Variants in AKAP1 observed in about 807,000 individuals in gnomAD.
AKAP1 encodes the protein A-kinase anchoring protein 1, also known as A-kinase anchor protein 1, mitochondrial.
In AKAP1, 32 loss-of-function variants were observed where a neutral mutation model predicts 79.8. The ratio of observed to expected loss-of-function variants is 0.40; its 90% confidence interval spans 0.30 to 0.54. The LOEUF (loss-of-function observed/expected upper bound fraction) is 0.54. Ranked by LOEUF, AKAP1 falls within the 20% of genes least tolerant of loss-of-function variation. The pLI, the probability that AKAP1 is intolerant of heterozygous loss-of-function variation, is 0.47. For synonymous variants in AKAP1, 416 were observed against 466.7 expected (o/e 0.89, Z 1.40); for missense variants, 961 against 1,138.9 (o/e 0.84, Z 2.25).
chr17:57,102,723 C>G (rs1914601827), intron 1 of AKAP1, among the ~76,000 whole-genome samples: 1 of 152,114 alleles, frequency 6.6e-6, no homozygotes, highest in Non-Finnish European at 1.5e-5. Flanking sequence ...CCACCCGCCT[C>G]AGCCTCTGAA....
At chr17:57,110,206 C>T in intron 3 of AKAP1, 48 bp downstream of exon 3, 1 of 1,606,276 alleles carries the variant, frequency 6.2e-7, no homozygotes, top group Non-Finnish European at 8.5e-7. Flanking sequence ...CCCAAAGCTC[C>T]CTGGGGCCAG....
chr17:57,118,335 T>C (rs956067203), intron 8 of AKAP1, 46 bp from the exon 9 acceptor site: 6 of 1,583,014 alleles, frequency 3.8e-6, no homozygotes, highest in Non-Finnish European at 5.2e-6. Flanking sequence ...AAGGGTGCCT[T>C]GCCTCAGTGA....
In AKAP1 at chr17:57,114,439, C is replaced by T. The variant is rs1343600631; in HGVS notation, c.2104-20C>T. The T allele has an allele frequency of 2.3e-5, 37 of 1,611,208 alleles. No homozygotes were observed. The highest frequency in any genetic ancestry group is 3.1e-5 in the Non-Finnish European group (37 of 1,178,450). ...ATAAGAAGGATTGTTTCAGTGACCG[C>T]TCCCCCTTCCCCTCTACAGCTCATG... On this transcript the variant is annotated intron_variant, in intron 5 of 10. Coordinates refer to ENST00000337714, the MANE Select transcript of AKAP1 (RefSeq NM_003488.4).
intron 5 of AKAP1, 135 bp downstream of exon 5, chr17:57,112,753 G>C: frequency 7.7e-7 from 1 of 1,306,512 alleles, no homozygotes; most frequent in Non-Finnish European, 1.0e-6. Flanking sequence ...TCTGGCCTCT[G>C]CTGGTCGGTT....
At chr17:57,097,514 C>T (rs1364256377) in intron 1 of AKAP1, among the ~76,000 whole-genome samples, 2 of 152,236 alleles carry the variant, frequency 1.3e-5, no homozygotes, top group African/African-American at 4.8e-5. Flanking sequence ...TTTTCCTCGA[C>T]CAAACTCCCA....
intron 2 of AKAP1, among the ~76,000 whole-genome samples, chr17:57,108,299 C>T (rs1915023322): frequency 6.6e-6 from 1 of 152,052 alleles, no homozygotes; most frequent in Non-Finnish European, 1.5e-5. Context: ...TTTTATGTAC[C>T]TTGGAAAGAA....
chr17:57,095,748 T>G (rs756043434), intron 1 of AKAP1: 7 of 152,192 alleles, frequency 4.6e-5, no homozygotes, highest in Non-Finnish European at 7.3e-5. Flanking sequence ...ACATCTTTTC[T>G]GATGTCTTTA....
At chr17:57,102,475 CTT>C (rs200892328) in intron 1 of AKAP1, among the ~76,000 whole-genome samples, 17 of 141,136 alleles carry the variant, frequency 1.2e-4, no homozygotes, top group Non-Finnish European at 9.3e-5. Context: ...ATGCCTTGAG[CTT>C]TTTTTTTTTT....
Position 57,105,931 on chromosome 17 carries a change from T to C in AKAP1, c.467T>C (p.Leu156Pro), listed in dbSNP as rs1472550814. ...CCCCTTTCATCCCCAAAGGGTGTACTATTCTCCAGCAAATCAGCTGAGGTG... is the reference window on the plus strand; with the variant it reads ...CCCCTTTCATCCCCAAAGGGTGTACCATTCTCCAGCAAATCAGCTGAGGTG... ...ECPLSSPKGV[L>P]FSSKSAEVCK... The change falls in exon 2 of 11, where the codon CTA (leucine) becomes CCA (proline). Residue 156 changes from leucine (L) to proline (P), a missense_variant. Transcript: ENST00000337714. 6.2e-7 allele frequency: 1 copy of C among 1,614,212 alleles called. No homozygotes were observed. Among genetic ancestry groups the C allele is most frequent in the East Asian group, 2.2e-5 (1 of 44,882 alleles).
intron 1 of AKAP1, among the ~76,000 whole-genome samples, chr17:57,089,575 G>T (rs148485190): frequency 2.0e-5 from 3 of 152,162 alleles, no homozygotes; most frequent in African/African-American, 7.2e-5. Context: ...TTCCATAATC[G>T]AAGAAAGTTT....
Position 57,116,142 on chromosome 17 carries a change from C to A in AKAP1, c.2313C>A (p.Asp771Glu), listed in dbSNP as rs755180755. 2 of 1,613,716 alleles carry A rather than the reference C, an allele frequency of 1.2e-6. No homozygotes were observed. The highest frequency in any genetic ancestry group is 2.2e-5 in the East Asian group (1 of 44,890). The change falls in exon 7 of 11, where the codon GAC becomes GAA. Residue 771 changes from aspartate to glutamate, a missense_variant. Asp to Glu is a conservative substitution (Grantham distance 45). This residue lies in a region of AKAP1 where 629 missense variants were observed against 781.1 expected (regional missense o/e 0.81). Coordinates refer to ENST00000337714, the MANE Select transcript of AKAP1 (RefSeq NM_003488.4). ...TCATCTGTGCCGCCCCTGGTGCGGA[C>A]GGGGCCTGGTGGCGAGCCCAAGTGG... ...ITVICAAPGA[D>E]GAWWRAQVVA...
chr17:57,107,144 A>G lies in AKAP1; in HGVS notation c.1680A>G (p.Gly560=). 1.2e-6 allele frequency: 2 copies of G among 1,611,744 alleles called. No individual in the cohort carries two copies. Among genetic ancestry groups the G allele is most frequent in the Non-Finnish European group, 1.7e-6 (2 of 1,178,246 alleles). Reference sequence around the variant, plus strand: ...TGTCAGACTTGGGGGCTGAGGATGGATGGACCATGGATGCGGAAGCAGATC... The same window carrying G: ...TGTCAGACTTGGGGGCTGAGGATGGGTGGACCATGGATGCGGAAGCAGATC... ...GELSDLGAED[G]WTMDAEADHS... is the part of the protein sequence containing the mutation. Residue 560 remains glycine (G), a synonymous_variant, in exon 2 of 11, where the codon GGA becomes GGG. Coordinates refer to ENST00000337714, the MANE Select transcript of AKAP1 (RefSeq NM_003488.4).
At chr17:57,117,679 G>C (rs539964360) in intron 8 of AKAP1, among the ~76,000 whole-genome samples, 1 of 150,322 alleles carries the variant, frequency 6.7e-6, no homozygotes, top group African/African-American at 2.4e-5. Flanking sequence ...TTTTATTGCT[G>C]TTGCCCCTCC....
chr17:57,093,461 C>T (rs1422975945), intron 1 of AKAP1: 2 of 152,152 alleles, frequency 1.3e-5, no homozygotes, highest in East Asian at 3.9e-4. Flanking sequence ...AGGGATCTAA[C>T]CTGTCAATAA....
In AKAP1 at chr17:57,106,337, A is replaced by G; in HGVS notation, c.873A>G (p.Ala291=). Residue 291 remains alanine (A), a synonymous_variant, in exon 2 of 11, where the codon GCA becomes GCG. Coordinates refer to ENST00000337714, the MANE Select transcript of AKAP1 (RefSeq NM_003488.4). ...KDDAAPAPPV[A]DAKAQDRGVE... ...ATGCGGCGCCAGCACCCCCAGTCGCAGACGCCAAAGCCCAGGATAGAGGTG... is the reference window on the plus strand; with the variant it reads ...ATGCGGCGCCAGCACCCCCAGTCGCGGACGCCAAAGCCCAGGATAGAGGTG... The G allele has an allele frequency of 6.2e-7, 1 of 1,614,108 alleles. No individual in the cohort carries two copies. The highest frequency in any genetic ancestry group is 8.5e-7 in the Non-Finnish European group (1 of 1,180,010).
chr17:57,094,204 A>G (rs1913952090), intron 1 of AKAP1: 1 of 152,178 alleles, frequency 6.6e-6, no homozygotes, highest in South Asian at 2.1e-4. Context: ...GGTACTCGCA[A>G]CGGTTCCACG....
chr17:57,106,439 T>G lies in AKAP1; in HGVS notation c.975T>G (p.Asp325Glu), dbSNP rs745988006. The change falls in exon 2 of 11, where the codon GAT becomes GAG. Residue 325 changes from aspartate (D) to glutamate (E), a missense_variant. Asp to Glu is a conservative substitution (Grantham distance 45). Coordinates refer to ENST00000337714, the MANE Select transcript of AKAP1 (RefSeq NM_003488.4). ...TGGATAGAAATGAGGAGGGCTTGGA[T>G]AGAAATGAGGAGAGCTTGGATAGAA... ...EGLDRNEEGL[D>E]RNEESLDRNE... 6.8e-7 allele frequency: 1 copy of G among 1,477,476 alleles called. No homozygotes were observed. The highest frequency in any genetic ancestry group is 9.4e-7 in the Non-Finnish European group (1 of 1,063,610). The allele number at this position is 1,477,476 out of a possible 1,614,324, so 91.5% of individuals were successfully genotyped here. A position where few individuals can be genotyped will look rare whatever the true frequency, so the allele number is the denominator to read the frequency against.
chr17:57,119,526 C>T (rs1915787907), intron 10 of AKAP1, among the ~76,000 whole-genome samples: 1 of 152,040 alleles, frequency 6.6e-6, no homozygotes, highest in African/African-American at 2.4e-5. Flanking sequence ...CCAGCCTGGC[C>T]AACATGGCGA....
At chr17:57,089,424 G>C (rs1478995916) in intron 1 of AKAP1, among the ~76,000 whole-genome samples, 1 of 152,070 alleles carries the variant, frequency 6.6e-6, no homozygotes, top group Non-Finnish European at 1.5e-5. Context: ...TGTCTGTAGG[G>C]TAGCTGCTAG....
Sources: allele counts gnomAD v4.1 joint callset (sites outside exome capture counted in the v4.1 genomes callset), GRCh38; gene constraint gnomAD v4.1.1; regional missense constraint gnomAD v4.1.1; transcripts MANE v1.5; gene names NCBI Gene and HGNC (gene_info 2026-07-23, HGNC 2026-07-21).